Variants in FEZF2 observed in about 807,000 individuals in gnomAD.
FEZF2 encodes the protein FEZ family zinc finger 2, also known as fez family zinc finger protein 2.
In FEZF2, 2 loss-of-function variants were observed where a neutral mutation model predicts 32.8. The observed-to-expected ratio is 0.06, with a 90% CI of 0.02 to 0.19. The LOEUF (loss-of-function observed/expected upper bound fraction) is 0.19. Ranked by LOEUF, FEZF2 falls within the 10% of genes least tolerant of loss-of-function variation. FEZF2 has a pLI of 1.00. For synonymous variants in FEZF2, 322 were observed against 284.8 expected, an observed-to-expected ratio of 1.13 and a Z score of -1.32; for missense variants, 516 against 625.4, an observed-to-expected ratio of 0.83 and a Z score of 1.87.
Position 62,371,329 on chromosome 3 carries a change from G to A in FEZF2, c.1008C>T (p.Asn336=), listed in dbSNP as rs957125024. 6.2e-7 allele frequency: 1 copy of A among 1,614,188 alleles called. No homozygotes were observed. The highest frequency in any genetic ancestry group is 8.5e-7 in the Non-Finnish European group (1 of 1,180,002). Residue 336 remains asparagine, a synonymous_variant, in exon 4 of 5, where the codon AAC becomes AAT. Coordinates refer to ENST00000283268, the MANE Select transcript of FEZF2 (RefSeq NM_018008.4). ...IHTQEKPHKC[N]QCGKAFNRSS... The stretch of plus-strand genomic sequence containing the variant: ...TGCGGTTGAACGCTTTGCCGCACTG[G>A]TTGCATTTATGTGGCTTTTCCTGAG...
chr3:62,370,203 G>T lies in FEZF2; in HGVS notation c.1260C>A (p.Ala420=). 1 of 1,614,174 alleles carries T rather than the reference G, an allele frequency of 6.2e-7. No individual in the cohort carries two copies. Residue 420 remains alanine, a synonymous_variant, in exon 5 of 5, where the codon GCC becomes GCA. Coordinates refer to ENST00000283268, the MANE Select transcript of FEZF2 (RefSeq NM_018008.4). This position sits in a 1 kb window ranked among gnomAD's most constrained non-coding sequence, Gnocchi z 4.2. ...TTCTGCAAAACCCTTTGCCGCAAGT[G>T]GCGCACGTGAAAGGCTTCTTGTCGT... is the stretch of plus-strand genomic sequence containing the variant. ...THNDKKPFTC[A]TCGKGFCRNF...
chr3:62,372,458 G>A lies in FEZF2; in HGVS notation c.411C>T (p.Ala137=), dbSNP rs780545858. Residue 137 remains alanine, a synonymous_variant, in exon 2 of 5, where the codon GCC becomes GCT. Coordinates refer to ENST00000283268, the MANE Select transcript of FEZF2 (RefSeq NM_018008.4). The surrounding 1 kb of genome is among the most constrained non-coding windows in gnomAD (Gnocchi z 9.6). ...GCGCGGACGGCGCCAGGCCCAGCTC[G>A]GCCTTGCAGCACACGCCACAGTTGG... is the stretch of plus-strand genomic sequence containing the variant. ...CKTNCGVCCK[A]ELGLAPSALP... 4.6e-5 allele frequency: 73 copies of A among 1,602,368 alleles called. No homozygotes were observed. The highest frequency in any genetic ancestry group is 6.2e-5 in the Non-Finnish European group (73 of 1,176,132).
rs1179886793 is a variant in FEZF2, at chr3:62,371,299, G to A, written c.1038C>T (p.Ser346=). ...NQCGKAFNRS[S]TLNTHIRIHA... ...GGATGCGGATATGCGTGTTGAGCGTGGAGCTGCGGTTGAACGCTTTGCCGC... is the reference window on the plus strand; with the variant it reads ...GGATGCGGATATGCGTGTTGAGCGTAGAGCTGCGGTTGAACGCTTTGCCGC... Residue 346 remains serine, a synonymous_variant, in exon 4 of 5, where the codon TCC becomes TCT. Transcript: ENST00000283268. 3.1e-6 allele frequency: 5 copies of A among 1,614,272 alleles called. No homozygotes were observed. The highest frequency in any genetic ancestry group is 4.2e-6 in the Non-Finnish European group (5 of 1,180,046).
rs959459921 is a variant in FEZF2, at chr3:62,372,539, A to G, written c.330T>C (p.Gly110=). The G allele has an allele frequency of 2.0e-4, 260 of 1,303,240 alleles. No individual in the cohort carries two copies. The South Asian group carries it at 2.5e-3, about 13-fold the overall frequency. The allele number at this position is 1,303,240 out of a possible 1,614,324, so 80.7% of individuals were successfully genotyped here. ...GGGCCCCCCCGCCGCCGCCGCCGCC[A>G]CCGCCGCCGCCGCCTCCGCCGCCGC... ...RAGGGGGGGG[G]GGGGGGGAPV... is the part of the protein sequence containing the mutation. The change falls in exon 2 of 5, where the codon GGT becomes GGC. Residue 110 remains glycine (G), a synonymous_variant. Coordinates refer to ENST00000283268, the MANE Select transcript of FEZF2 (RefSeq NM_018008.4). This position sits in a 1 kb window ranked among gnomAD's most constrained non-coding sequence, Gnocchi z 9.6.
At position 62,372,252 on chromosome 3, in the gene FEZF2, G is replaced by C. The variant is rs1196483533; in HGVS notation, c.617C>G (p.Ala206Gly). The C allele has an allele frequency of 6.3e-7, 1 of 1,581,964 alleles. No individual in the cohort carries two copies. The highest frequency in any genetic ancestry group is 1.3e-5 in the African/African-American group (1 of 74,304). Residue 206 changes from alanine to glycine, a missense_variant, in exon 2 of 5, where the codon GCT becomes GGT. Coordinates refer to ENST00000283268, the MANE Select transcript of FEZF2 (RefSeq NM_018008.4). This position sits in a 1 kb window ranked among gnomAD's most constrained non-coding sequence, Gnocchi z 9.6. ...LNAQAPAALA[A>G]HPKLFLLENA... is the part of the protein sequence containing the mutation. ...CTCCAGCAGAAAGAGCTTGGGGTGA[G>C]CAGCCAGGGCGGCGGGGGCCTGCGC...
Position 62,373,117 on chromosome 3 carries a change from A to C in FEZF2, c.-59+162T>G. 5 of 188,710 alleles carry C rather than the reference A, an allele frequency of 2.6e-5. No homozygotes were observed. Among genetic ancestry groups the C allele is most frequent in the East Asian group, 1.7e-4 (2 of 11,652 alleles). The allele number at this position is 188,710 out of a possible 1,614,324, so 11.7% of individuals were successfully genotyped here. A position where few individuals can be genotyped will look rare whatever the true frequency, so the allele number is the denominator to read the frequency against. ...CCCTGGGACTTTGAAAGGGGGAAGA[A>C]GGGGGAGGGTTTACAAAAGAAAAGG... On this transcript the variant is annotated intron_variant, in intron 1 of 4. Transcript: ENST00000283268. This position sits in a 1 kb window ranked among gnomAD's most constrained non-coding sequence, Gnocchi z 5.5.
chr3:62,372,672 A>C lies in FEZF2; in HGVS notation c.197T>G (p.Leu66Arg). The C allele has an allele frequency of 6.2e-7, 1 of 1,607,410 alleles. No homozygotes were observed. Among genetic ancestry groups the C allele is most frequent in the Middle Eastern group, 1.7e-4 (1 of 6,030 alleles). ...DGSQGKKLLN[L>R]CSPLPCMIPL... ...GATCATACAGGGCAGCGGCGAGCAG[A>C]GGTTGAGCAGTTTCTTGCCCTGGCT... The change falls in exon 2 of 5, where the codon CTC (leucine) becomes CGC (arginine). Residue 66 changes from leucine to arginine, a missense_variant. Coordinates refer to ENST00000283268, the MANE Select transcript of FEZF2 (RefSeq NM_018008.4). The surrounding 1 kb of genome is among the most constrained non-coding windows in gnomAD (Gnocchi z 9.6).
chr3:62,372,462 T>C lies in FEZF2; in HGVS notation c.407A>G (p.Lys136Arg). The C allele has an allele frequency of 6.2e-7, 1 of 1,600,394 alleles. No homozygotes were observed. The highest frequency in any genetic ancestry group is 8.5e-7 in the Non-Finnish European group (1 of 1,175,176). The change falls in exon 2 of 5, where the codon AAG (lysine) becomes AGG (arginine). Residue 136 changes from lysine to arginine, a missense_variant. Lys to Arg is a conservative substitution (Grantham distance 26). This residue lies in a region of FEZF2 where 408 missense variants were observed against 382.2 expected (regional missense o/e 1.07). Coordinates refer to ENST00000283268, the MANE Select transcript of FEZF2 (RefSeq NM_018008.4). This position sits in a 1 kb window ranked among gnomAD's most constrained non-coding sequence, Gnocchi z 9.6. ...GGACGGCGCCAGGCCCAGCTCGGCC[T>C]TGCAGCACACGCCACAGTTGGTTTT... is the stretch of plus-strand genomic sequence containing the variant. The part of the protein sequence containing the change: ...LCKTNCGVCC[K>R]AELGLAPSAL...
At chr3:62,371,719 T>A (rs767173573) in intron 2 of FEZF2, 52 bp from the exon 3 acceptor site, 7 of 1,570,542 alleles carry the variant, frequency 4.5e-6, no homozygotes, top group Non-Finnish European at 6.1e-6. Flanking sequence ...GGGCCTACAA[T>A]CAGCCCCGGG....
At position 62,372,489 on chromosome 3, in the gene FEZF2, C is replaced by T. The variant is rs1311253760; in HGVS notation, c.380G>A (p.Cys127Tyr). 3 of 1,509,512 alleles carry T rather than the reference C, an allele frequency of 2.0e-6. No homozygotes were observed. The highest frequency in any genetic ancestry group is 2.7e-6 in the Non-Finnish European group (3 of 1,130,318). 93.5% of individuals were successfully genotyped at this position (1,509,512 alleles called of 1,614,324 possible). A position where few individuals can be genotyped will look rare whatever the true frequency, so the allele number is the denominator to read the frequency against. The part of the protein sequence containing the change: ...GAPVCGASGL[C>Y]KTNCGVCCKA... ...GCAGCACACGCCACAGTTGGTTTTG[C>T]ACAAGCCGCTGGCGCCGCACACTGG... The change falls in exon 2 of 5, where the codon TGC becomes TAC. Residue 127 changes from cysteine (C) to tyrosine (Y), a missense_variant. Coordinates refer to ENST00000283268, the MANE Select transcript of FEZF2 (RefSeq NM_018008.4). This position sits in a 1 kb window ranked among gnomAD's most constrained non-coding sequence, Gnocchi z 9.6.
Position 62,371,618 on chromosome 3 carries a change from C to T in FEZF2, c.902G>A (p.Gly301Glu). The T allele has an allele frequency of 1.2e-6, 2 of 1,614,166 alleles. No individual in the cohort carries two copies. The highest frequency in any genetic ancestry group is 8.5e-7 in the Non-Finnish European group (1 of 1,180,032). ...GACTTTGCACACGAACGGTCTGGCT[C>T]CGGTGTGGACCGGCATGTGGCGGGT... The part of the protein sequence containing the change: ...NLTRHMPVHT[G>E]ARPFVCKVCG... Residue 301 changes from glycine to glutamate, a missense_variant, in exon 3 of 5, where the codon GGA (glycine) becomes GAA (glutamate). Gly to Glu is a moderately conservative substitution (Grantham distance 98). Around this residue, in one of 3 missense-constraint regions of FEZF2, gnomAD observed 79 missense variants for 219.4 expected, o/e 0.36. Transcript: ENST00000283268.
chr3:62,372,931 A>G lies in FEZF2; in HGVS notation c.-58-5T>C, dbSNP rs964137405. The G allele has an allele frequency of 5.7e-5, 75 of 1,319,884 alleles. No individual in the cohort carries two copies. The highest frequency in any genetic ancestry group is 9.7e-6 in the Non-Finnish European group (10 of 1,028,702). The allele number at this position is 1,319,884 out of a possible 1,614,324, so 81.8% of individuals were successfully genotyped here. A position where few individuals can be genotyped will look rare whatever the true frequency, so the allele number is the denominator to read the frequency against. On this transcript the variant is annotated splice_region_variant and splice_polypyrimidine_tract_variant and intron_variant, in intron 1 of 4. Transcript: ENST00000283268. The surrounding 1 kb of genome is among the most constrained non-coding windows in gnomAD (Gnocchi z 9.6). ...CGCAGCCTCTCTCCTCTAAGTCTGC[A>G]TTCCGGAAAAGGCAGGGGGGAAAAC...
Position 62,372,579 on chromosome 3 carries a change from C to T in FEZF2, c.290G>A (p.Ser97Asn), listed in dbSNP as rs1704290318. The T allele has an allele frequency of 1.9e-5, 26 of 1,404,688 alleles. No homozygotes were observed. Among genetic ancestry groups the T allele is most frequent in the Non-Finnish European group, 2.4e-5 (26 of 1,076,478 alleles). The allele number at this position is 1,404,688 out of a possible 1,614,324, so 87.0% of individuals were successfully genotyped here. ...TLLSYSELWK[S>N]SLRAGGGGGG... The stretch of plus-strand genomic sequence containing the variant: ...TCCGCCGCCGCCCGCCCGGAGGCTG[C>T]TTTTCCAGAGCTCCGAGTAACTGAG... The change falls in exon 2 of 5, where the codon AGC becomes AAC. Residue 97 changes from serine (S) to asparagine (N), a missense_variant. Ser to Asn is a conservative substitution (Grantham distance 46). Coordinates refer to ENST00000283268, the MANE Select transcript of FEZF2 (RefSeq NM_018008.4). This position sits in a 1 kb window ranked among gnomAD's most constrained non-coding sequence, Gnocchi z 9.6.
chr3:62,370,643 A>G lies in FEZF2; in HGVS notation c.1121-301T>C, dbSNP rs915505997. Among the ~76,000 whole-genome samples, 5 of 152,214 alleles carry G rather than the reference A, an allele frequency of 3.3e-5. No homozygotes were observed. Among genetic ancestry groups the G allele is most frequent in the African/African-American group, 9.6e-5 (4 of 41,466 alleles). The stretch of plus-strand genomic sequence containing the variant: ...GGGCCGGGAAACTTTTGCGTAGCCC[A>G]GAGACGCACCGAGTCCTTCTCCTGG... On this transcript the variant is annotated intron_variant, in intron 4 of 4. Transcript: ENST00000283268. This position sits in a 1 kb window ranked among gnomAD's most constrained non-coding sequence, Gnocchi z 4.2.
chr3:62,373,098 G>C lies in FEZF2; in HGVS notation c.-58-172C>G, dbSNP rs552271549. 25 of 272,174 alleles carry C rather than the reference G, an allele frequency of 9.2e-5. No homozygotes were observed. Among genetic ancestry groups the C allele is most frequent in the Non-Finnish European group, 1.7e-4 (25 of 146,588 alleles). The allele number at this position is 272,174 out of a possible 1,614,324, so 16.9% of individuals were successfully genotyped here. ...AGGAACCCACCAGCCCCTGCCCTGG[G>C]ACTTTGAAAGGGGGAAGAAGGGGGA... is the stretch of plus-strand genomic sequence containing the variant. On this transcript the variant is annotated intron_variant, in intron 1 of 4. Transcript: ENST00000283268. This position sits in a 1 kb window ranked among gnomAD's most constrained non-coding sequence, Gnocchi z 5.5.
Position 62,371,359 on chromosome 3 carries a change from GGGGCGAGT to G in FEZF2, c.988-18_988-11del, listed in dbSNP as rs770278910. ...ATTTATGTGGCTTTTCCTGAGGAAA[GGGGCGAGT>G]GCACAGTAAGGAGAGGCCACCTCGG... On this transcript the variant is annotated splice_polypyrimidine_tract_variant and intron_variant, in intron 3 of 4. Transcript: ENST00000283268. 10 of 1,612,834 alleles carry G rather than the reference GGGGCGAGT, an allele frequency of 6.2e-6. 1 individual carries two copies. In the South Asian group the frequency reaches 1.1e-4, roughly 18 times the overall value.
Position 62,373,143 on chromosome 3 carries a change from G to T in FEZF2, c.-59+136C>A, listed in dbSNP as rs552921882. 4.6e-4 allele frequency: 163 copies of T among 351,386 alleles called. 2 individuals are homozygous for T. Among genetic ancestry groups the T allele is most frequent in the African/African-American group, 3.0e-3 (141 of 47,500 alleles). The allele number at this position is 351,386 out of a possible 1,614,324, so 21.8% of individuals were successfully genotyped here. ...GGGGGAGGGTTTACAAAAGAAAAGG[G>T]GGGGGGCGGTGAGAAAAGAGTCTCA... On this transcript the variant is annotated intron_variant, in intron 1 of 4. Coordinates refer to ENST00000283268, the MANE Select transcript of FEZF2 (RefSeq NM_018008.4). The surrounding 1 kb of genome is among the most constrained non-coding windows in gnomAD (Gnocchi z 5.5).
At position 62,370,426 on chromosome 3, in the gene FEZF2, G is replaced by T; in HGVS notation, c.1121-84C>A. 1 of 1,468,600 alleles carries T rather than the reference G, an allele frequency of 6.8e-7. No homozygotes were observed. The highest frequency in any genetic ancestry group is 9.3e-7 in the Non-Finnish European group (1 of 1,077,298). The allele number at this position is 1,468,600 out of a possible 1,614,324, so 91.0% of individuals were successfully genotyped here. A position where few individuals can be genotyped will look rare whatever the true frequency, so the allele number is the denominator to read the frequency against. ...AGGCGGGCGTCCCAGGGGCAGCCCAGGTGCCTGCTCAAAAAAGGCGACGCT... is the reference window on the plus strand; with the variant it reads ...AGGCGGGCGTCCCAGGGGCAGCCCATGTGCCTGCTCAAAAAAGGCGACGCT... On this transcript the variant is annotated intron_variant, in intron 4 of 4. Coordinates refer to ENST00000283268, the MANE Select transcript of FEZF2 (RefSeq NM_018008.4). This position sits in a 1 kb window ranked among gnomAD's most constrained non-coding sequence, Gnocchi z 4.2.
chr3:62,371,070 A>G, intron 4 of FEZF2, 147 bp downstream of exon 4: 1 of 1,214,118 alleles, frequency 8.2e-7, no homozygotes, highest in African/African-American at 1.5e-5. Flanking sequence ...CCCCTACACC[A>G]GGCACAACCC....
Sources: allele counts gnomAD v4.1 joint callset (sites outside exome capture counted in the v4.1 genomes callset), GRCh38; gene constraint gnomAD v4.1.1; regional missense constraint gnomAD v4.1.1; non-coding constraint Gnocchi (gnomAD v3.1); transcripts MANE v1.5; gene names NCBI Gene and HGNC (gene_info 2026-07-23, HGNC 2026-07-21).